The following PDE10A variants were observed in gnomAD, a reference collection of about 807,000 sequenced individuals.
The protein encoded by PDE10A is cAMP and cAMP-inhibited cGMP 3',5'-cyclic phosphodiesterase 10A.
A neutral mutation model predicts 97.7 loss-of-function variants in PDE10A; 39 were observed. That is an observed-to-expected ratio of 0.40 (90% CI 0.31 to 0.52). PDE10A has a LOEUF of 0.52. Among genes scored for constraint, PDE10A ranks in the 20% least tolerant of loss-of-function variants. PDE10A has a pLI of 0.56. For missense variants in PDE10A, 731 were observed against 1,047.8 expected (o/e 0.70, Z 4.17); for synonymous variants, 371 against 376.8 (o/e 0.98, Z 0.18).
At chr6:165,383,414 T>G (rs939384645) in intron 17 of PDE10A, among the ~76,000 whole-genome samples, 1 of 152,338 alleles carries the variant, frequency 6.6e-6, no homozygotes, top group South Asian at 2.1e-4. Flanking sequence ...AAAGCTCACC[T>G]ACGTTCTTGG....
chr6:165,983,912 A>G (rs1227838517), intron 1 of PDE10A, among the ~76,000 whole-genome samples: 1 of 152,232 alleles, frequency 6.6e-6, no homozygotes, highest in Admixed American at 6.5e-5. Flanking sequence ...TCCCATTGTG[A>G]AAGCGTGCAC....
At chr6:165,657,361 C>T (rs1407209432) in intron 1 of PDE10A, among the ~76,000 whole-genome samples, 1 of 152,238 alleles carries the variant, frequency 6.6e-6, no homozygotes, top group Non-Finnish European at 1.5e-5. Flanking sequence ...GCCTAATTTA[C>T]ATTTTAAAAG....
At chr6:165,739,699 G>C (rs1023633903) in intron 1 of PDE10A, among the ~76,000 whole-genome samples, 1 of 152,118 alleles carries the variant, frequency 6.6e-6, no homozygotes, top group Non-Finnish European at 1.5e-5. Context: ...TATGGAATGG[G>C]TGAAAATAAT....
Position 165,954,534 on chromosome 6 carries a change from A to G in PDE10A, c.-615+32995T>C, listed in dbSNP as rs1784071133. On this transcript the variant is annotated intron_variant, in intron 1 of 19. Transcript: ENST00000366882. Reference sequence around the variant, plus strand: ...AACCAGCAGAGCATAAAACAGGGTTAGGATTCGTTTTGCTAAGATAACAAG... The same window carrying G: ...AACCAGCAGAGCATAAAACAGGGTTGGGATTCGTTTTGCTAAGATAACAAG... 2.6e-5 allele frequency among the ~76,000 whole-genome samples: 4 copies of G among 152,332 alleles called. No homozygotes were observed. The South Asian group carries it at 8.3e-4, about 32-fold the overall frequency.
At chr6:165,483,006 G>A (rs1779694593) in intron 2 of PDE10A, among the ~76,000 whole-genome samples, 1 of 152,202 alleles carries the variant, frequency 6.6e-6, no homozygotes, top group Non-Finnish European at 1.5e-5. Context: ...ATGCCTGTGT[G>A]ACCAACAGGG....
chr6:165,447,893 C>A (rs1203503208), intron 5 of PDE10A, among the ~76,000 whole-genome samples: 1 of 152,018 alleles, frequency 6.6e-6, no homozygotes, highest in African/African-American at 2.4e-5. Context: ...TGTTACAATA[C>A]AAGGGAAAAC....
chr6:165,652,775 A>G (rs1789747434), intron 1 of PDE10A, among the ~76,000 whole-genome samples: 1 of 152,226 alleles, frequency 6.6e-6, no homozygotes, highest in African/African-American at 2.4e-5. Flanking sequence ...TTTGTAAATA[A>G]TTCATCATAT....
intron 2 of PDE10A, among the ~76,000 whole-genome samples, chr6:165,530,679 G>A (rs1782725202): frequency 6.6e-6 from 1 of 152,038 alleles, no homozygotes; most frequent in Non-Finnish European, 1.5e-5. Context: ...ATTCTTTGAT[G>A]CTCCACAAAC....
At chr6:165,540,449 T>A (rs901596668) in intron 2 of PDE10A, among the ~76,000 whole-genome samples, 5 of 152,164 alleles carry the variant, frequency 3.3e-5, no homozygotes, top group Admixed American at 3.3e-4. Flanking sequence ...ATGAAATAAT[T>A]TAGATAGGCT....
chr6:165,686,130 G>GACACAC (rs57547290), intron 1 of PDE10A, among the ~76,000 whole-genome samples: 3,195 of 145,368 alleles, frequency 0.022, 49 homozygotes, highest in African/African-American at 0.043. Context: ...AATGTGCATG[G>GACACAC]ACACACACAC....
At chr6:165,471,358 C>T (rs1778994372) in intron 3 of PDE10A, among the ~76,000 whole-genome samples, 1 of 152,090 alleles carries the variant, frequency 6.6e-6, no homozygotes. Context: ...GGGTTCATGA[C>T]TCTAGCTACT....
At chr6:165,446,638 A>G (rs1790868341) in intron 5 of PDE10A, among the ~76,000 whole-genome samples, 1 of 152,216 alleles carries the variant, frequency 6.6e-6, no homozygotes, top group Admixed American at 6.5e-5. Context: ...TCACAGATAA[A>G]CATGTAATCA....
intron 1 of PDE10A, among the ~76,000 whole-genome samples, chr6:165,918,469 T>C (rs1445727682): frequency 2.6e-5 from 4 of 152,246 alleles, no homozygotes; most frequent in Non-Finnish European, 5.9e-5. Context: ...ATTGTAAAGT[T>C]GTGCCGGAAA....
intron 15 of PDE10A, among the ~76,000 whole-genome samples, chr6:165,393,979 T>G (rs939092412): frequency 6.6e-6 from 1 of 152,090 alleles, no homozygotes; most frequent in Non-Finnish European, 1.5e-5. Context: ...TAAGAAGACA[T>G]GTTTCTTTTC....
chr6:165,946,843 A>G (rs1370809313), intron 1 of PDE10A: 1 of 152,236 alleles, frequency 6.6e-6, no homozygotes, highest in Non-Finnish European at 1.5e-5. Flanking sequence ...TAATTCAGAT[A>G]TTTTCTATCT....
chr6:165,831,357 G>GTCT (rs1249901542), intron 1 of PDE10A, among the ~76,000 whole-genome samples: 4 of 84,632 alleles, frequency 4.7e-5, no homozygotes, highest in African/African-American at 2.0e-4. Context: ...GGGCGAGAGA[G>GTCT]CGAGACTCTG....
chr6:165,463,654 A>G (rs1218601127), intron 3 of PDE10A, among the ~76,000 whole-genome samples: 2 of 151,018 alleles, frequency 1.3e-5, no homozygotes, highest in Admixed American at 6.6e-5. Flanking sequence ...AAATCAAAGA[A>G]GGGGGACATG....
At chr6:165,791,967 G>A (rs1430328163) in intron 1 of PDE10A, among the ~76,000 whole-genome samples, 2 of 152,170 alleles carry the variant, frequency 1.3e-5, no homozygotes, top group Admixed American at 1.3e-4. Context: ...AGCATCGGCC[G>A]TGAAACCACG....
chr6:165,649,684 C>A (rs1184308441), intron 1 of PDE10A, among the ~76,000 whole-genome samples: 1 of 152,200 alleles, frequency 6.6e-6, no homozygotes, highest in Non-Finnish European at 1.5e-5. Context: ...CCTGTCACAA[C>A]AGAATAACTT....
Sources: gnomAD v4.1 joint callset for allele counts (sites outside exome capture counted in the v4.1 genomes callset) on GRCh38, gnomAD v4.1.1 for gene constraint, MANE v1.5 for transcripts, NCBI Gene and HGNC (gene_info 2026-07-23, HGNC 2026-07-21) for gene names.